The following ANTXR1 variants were observed in gnomAD, a reference collection of about 807,000 sequenced individuals.
The protein encoded by ANTXR1 is anthrax toxin receptor 1.
ANTXR1 carries 19 observed loss-of-function variants against 78.1 expected under a neutral mutation model. That is an observed-to-expected ratio of 0.24 (90% CI 0.17 to 0.36). The LOEUF is 0.36. Ranked by LOEUF, ANTXR1 falls within the 10% of genes least tolerant of loss-of-function variation. ANTXR1 has a pLI of 1.00. For missense variants in ANTXR1, 518 were observed against 718.6 expected, an observed-to-expected ratio of 0.72 and a Z score of 3.19; for synonymous variants, 273 against 260.5, an observed-to-expected ratio of 1.05 and a Z score of -0.46.
chr2:69,209,882 G>T (rs58985561), intron 17 of ANTXR1, among the ~76,000 whole-genome samples: 14 of 152,312 alleles, frequency 9.2e-5, no homozygotes, highest in Admixed American at 4.6e-4. Flanking sequence ...GGCTTAGCAG[G>T]GGGGAGACAA....
At chr2:69,096,472 G>C (rs1671432048) in intron 9 of ANTXR1, among the ~76,000 whole-genome samples, 1 of 138,778 alleles carries the variant, frequency 7.2e-6, no homozygotes, top group Non-Finnish European at 1.6e-5. Context: ...AAGAAAGAAA[G>C]AGAGAGAGAA....
At chr2:69,163,984 GTGAT>G in intron 13 of ANTXR1, among the ~76,000 whole-genome samples, 1 of 152,312 alleles carries the variant, frequency 6.6e-6, no homozygotes, top group South Asian at 2.1e-4. Flanking sequence ...TTGCAGTTTA[GTGAT>G]TTTAATGCCC....
At chr2:69,027,333 G>A (rs2104013710) in intron 1 of ANTXR1, among the ~76,000 whole-genome samples, 1 of 152,300 alleles carries the variant, frequency 6.6e-6, no homozygotes, top group South Asian at 2.1e-4. Context: ...TTATGTGGAT[G>A]TACTGGGGAT....
chr2:69,248,697 G>T lies in ANTXR1; in HGVS notation c.*3212G>T, dbSNP rs934205623. On this transcript the variant is annotated 3_prime_UTR_variant, in exon 18 of 18. Transcript: ENST00000303714. Reference sequence around the variant, plus strand: ...TAAAGTCCAAACACTATGTCAGATGGGGGTAAAATCCATTAAAGAACAGGA... The same window carrying T: ...TAAAGTCCAAACACTATGTCAGATGTGGGTAAAATCCATTAAAGAACAGGA... The T allele has an allele frequency of 5.9e-5, 9 of 152,232 alleles. No individual in the cohort carries two copies. The highest frequency in any genetic ancestry group is 3.4e-3 in the Middle Eastern group (1 of 294). The allele number at this position is 152,232 out of a possible 1,614,324, so 9.4% of individuals were successfully genotyped here.
intron 7 of ANTXR1, 72 bp from the exon 8 acceptor site, chr2:69,077,336 C>T (rs900777393): frequency 1.9e-5 from 29 of 1,552,206 alleles, no homozygotes; most frequent in South Asian, 3.3e-5. Context: ...TTAGCCCCAA[C>T]GGCTTTCCTA....
chr2:69,145,944 T>C (rs1192294798), intron 12 of ANTXR1: 8 of 985,590 alleles, frequency 8.1e-6, no homozygotes, highest in Non-Finnish European at 9.6e-6. Flanking sequence ...TCCAAATGTA[T>C]ACCTTTGAGA....
At chr2:69,131,843 GC>G (rs1672757579) in intron 12 of ANTXR1, among the ~76,000 whole-genome samples, 1 of 152,098 alleles carries the variant, frequency 6.6e-6, no homozygotes, top group African/African-American at 2.4e-5. Context: ...TATCCAAGGA[GC>G]TTGAGCATAA....
rs769619892 is a variant in ANTXR1, at chr2:69,013,556, C to T, written c.57C>T (p.Ala19=). The T allele has an allele frequency of 6.3e-7, 1 of 1,579,068 alleles. No individual in the cohort carries two copies. Among genetic ancestry groups the T allele is most frequent in the African/African-American group, 1.3e-5 (1 of 74,836 alleles). The change falls in exon 1 of 18, where the codon GCC becomes GCT. Residue 19 remains alanine (A), a synonymous_variant. Coordinates refer to ENST00000303714, the MANE Select transcript of ANTXR1 (RefSeq NM_032208.3). The surrounding 1 kb of genome is among the most constrained non-coding windows in gnomAD (Gnocchi z 5.0). The part of the protein sequence containing the change: ...LGIGFQWLSL[A]TLVLICAGQG... ...TCGGCTTCCAGTGGCTCTCTTTGGC[C>T]ACTCTGGTGCTCATCTGCGCCGGGC...
chr2:69,133,998 C>A (rs778223204), intron 12 of ANTXR1, among the ~76,000 whole-genome samples: 1 of 152,148 alleles, frequency 6.6e-6, no homozygotes, highest in African/African-American at 2.4e-5. Flanking sequence ...GATGCCCAAT[C>A]TTAGTTTTCT....
intron 12 of ANTXR1, among the ~76,000 whole-genome samples, chr2:69,143,056 G>C (rs546722992): frequency 6.6e-6 from 1 of 152,338 alleles, no homozygotes; most frequent in African/African-American, 2.4e-5. Flanking sequence ...GCAATGAAGA[G>C]CTATTAAAAA....
Position 69,053,403 on chromosome 2 carries a change from T to G in ANTXR1, c.296+8590T>G, listed in dbSNP as rs1402247983. ...AGGTGTAGATGCTGGATTATTGTGT[T>G]AAGAACTAGTTTCCTTCACTTCCCC... On this transcript the variant is annotated intron_variant, in intron 3 of 17. Transcript: ENST00000303714. Among the ~76,000 whole-genome samples, 18 of 151,646 alleles carry G rather than the reference T, an allele frequency of 1.2e-4. 1 individual carries two copies.
intron 3 of ANTXR1, among the ~76,000 whole-genome samples, chr2:69,063,063 G>T (rs1670292381): frequency 6.6e-6 from 1 of 152,138 alleles, no homozygotes; most frequent in Non-Finnish European, 1.5e-5. Flanking sequence ...AAGTCTGAGG[G>T]CTGGAGGGAG....
chr2:69,092,045 G>T (rs758253900), intron 9 of ANTXR1, among the ~76,000 whole-genome samples: 37 of 152,214 alleles, frequency 2.4e-4, no homozygotes, highest in Non-Finnish European at 5.1e-4. Context: ...AACTGTGTGT[G>T]TGAGTTCCTG....
intron 1 of ANTXR1, among the ~76,000 whole-genome samples, chr2:69,023,822 T>C (rs947393283): frequency 2.0e-5 from 3 of 152,152 alleles, no homozygotes; most frequent in Non-Finnish European, 2.9e-5. Flanking sequence ...AGGAGGTGAC[T>C]TTGGATCTGG....
intron 17 of ANTXR1, among the ~76,000 whole-genome samples, chr2:69,235,902 T>C (rs933823959): frequency 6.6e-6 from 1 of 152,118 alleles, no homozygotes; most frequent in African/African-American, 2.4e-5. Flanking sequence ...TCTGTATGGC[T>C]GGGGAGGCCT....
rs1007652269 is a variant in ANTXR1 at position 69,247,447 on chromosome 2, C to T, written c.*1962C>T. ...AGCCTTCTCCCACAGCTGCCTACAA[C>T]AGAGTCTCCCAGCCTTCTCAGAGAG... On this transcript the variant is annotated 3_prime_UTR_variant, in exon 18 of 18. Coordinates refer to ENST00000303714, the MANE Select transcript of ANTXR1 (RefSeq NM_032208.3). 2 of 153,012 alleles carry T rather than the reference C, an allele frequency of 1.3e-5. No homozygotes were observed. Among genetic ancestry groups the T allele is most frequent in the Non-Finnish European group, 2.9e-5 (2 of 68,288 alleles). The allele number at this position is 153,012 out of a possible 1,614,324, so 9.5% of individuals were successfully genotyped here.
intron 14 of ANTXR1, 117 bp downstream of exon 14, chr2:69,170,406 G>T (rs1220592135): frequency 8.3e-6 from 10 of 1,204,410 alleles, no homozygotes; most frequent in Non-Finnish European, 6.1e-6. Flanking sequence ...AAGCTCAAAG[G>T]ATTTAATGTA....
At chr2:69,215,716 T>C (rs537421455) in intron 17 of ANTXR1, among the ~76,000 whole-genome samples, 1 of 152,348 alleles carries the variant, frequency 6.6e-6, no homozygotes, top group Non-Finnish European at 1.5e-5. Flanking sequence ...CCATAGTAGG[T>C]ACTTTAAAAG....
intron 1 of ANTXR1, among the ~76,000 whole-genome samples, chr2:69,029,310 TTAGA>T (rs1337423783): frequency 1.4e-5 from 2 of 148,142 alleles, no homozygotes; most frequent in Non-Finnish European, 3.0e-5. Context: ...TATATATATA[TTAGA>T]TATATATAGA....
Sources: gnomAD v4.1 joint callset for allele counts (sites outside exome capture counted in the v4.1 genomes callset) on GRCh38, gnomAD v4.1.1 for gene constraint, Gnocchi (gnomAD v3.1) non-coding constraint, MANE v1.5 for transcripts, NCBI Gene and HGNC (gene_info 2026-07-23, HGNC 2026-07-21) for gene names.